STK3: variants seen among roughly 807,000 people sequenced by gnomAD.
The protein encoded by STK3 is serine/threonine kinase 3.
A neutral mutation model predicts 58.0 loss-of-function variants in STK3; 41 were observed. The observed-to-expected ratio is 0.71, with a 90% CI of 0.55 to 0.92. The LOEUF is 0.92. Ranked by LOEUF, STK3 falls within the 40% of genes least tolerant of loss-of-function variation. The pLI is 0.00. For synonymous variants in STK3, 170 were observed against 191.0 expected, an observed-to-expected ratio of 0.89 and a Z score of 0.91; for missense variants, 479 against 602.7, an observed-to-expected ratio of 0.79 and a Z score of 2.15.
downstream of STK3, among the ~76,000 whole-genome samples, chr8:98,451,929 G>T (rs1586593281): frequency 6.7e-6 from 1 of 148,340 alleles, no homozygotes. Flanking sequence ...CTCCAAAATT[G>T]CATTTTGATG....
rs553752463 is a variant in STK3 at position 98,694,902 on chromosome 8, C to T, written c.684+11565G>A. ...GGCTGGGTCAAATGGTATTTCTAGT[C>T]CTAGATCCCTGAAGAATCGCCACAC... is the stretch of plus-strand genomic sequence containing the variant. On this transcript the variant is annotated intron_variant, in intron 6 of 10. Coordinates refer to ENST00000419617, the MANE Select transcript of STK3 (RefSeq NM_006281.4). 3.9e-4 allele frequency among the ~76,000 whole-genome samples: 60 copies of T among 152,196 alleles called. 1 individual carries two copies. In the East Asian group the frequency reaches 5.4e-3, roughly 14 times the overall value.
At chr8:98,403,842 TGGTGG>T (rs1277776072) in intron 3 of STK3, among the ~76,000 whole-genome samples, 4 of 152,248 alleles carry the variant, frequency 2.6e-5, no homozygotes, top group Non-Finnish European at 5.9e-5. Flanking sequence ...CAAGGGGATA[TGGTGG>T]GGCACCCTCA....
intron 3 of STK3, among the ~76,000 whole-genome samples, chr8:98,837,420 C>G (rs954446104): frequency 6.6e-6 from 1 of 151,172 alleles, no homozygotes; most frequent in Non-Finnish European, 1.5e-5. Flanking sequence ...TAAAATTCAC[C>G]CTCCTTATAC....
chr8:98,696,409 G>C (rs962087192), intron 6 of STK3, among the ~76,000 whole-genome samples: 2 of 151,384 alleles, frequency 1.3e-5, no homozygotes, highest in African/African-American at 4.9e-5. Context: ...TAGGAGTGGT[G>C]AGAGAGGGCA....
Position 98,523,093 on chromosome 8 carries a change from G to A in STK3, c.1317+3649C>T, listed in dbSNP as rs538448002. Reference sequence around the variant, plus strand: ...TTGCTGGATTATATGATAATGCTATGTTAGTTTTTTTGAGGAACCACCATA... The same window carrying A: ...TTGCTGGATTATATGATAATGCTATATTAGTTTTTTTGAGGAACCACCATA... On this transcript the variant is annotated intron_variant, in intron 10 of 10. Coordinates refer to ENST00000419617, the MANE Select transcript of STK3 (RefSeq NM_006281.4). 2.6e-5 allele frequency among the ~76,000 whole-genome samples: 4 copies of A among 152,230 alleles called. No individual in the cohort carries two copies. In the East Asian group the frequency reaches 7.7e-4, roughly 29 times the overall value.
At chr8:98,816,855 A>G (rs1430527280) in intron 1 of STK3, among the ~76,000 whole-genome samples, 1 of 152,070 alleles carries the variant, frequency 6.6e-6, no homozygotes, top group South Asian at 2.1e-4. Context: ...TTTCTTAATC[A>G]TCAAGACTAA....
At chr8:98,429,074 G>C in intron 3 of STK3, 2 of 1,613,240 alleles carry the variant, frequency 1.2e-6, no homozygotes, top group Non-Finnish European at 8.5e-7. Context: ...CTGCCTGCTG[G>C]TGGTGGGCTA....
In STK3 at chr8:98,555,643, A is replaced by G. The variant is rs186766824; in HGVS notation, c.949-7482T>C. On this transcript the variant is annotated intron_variant, in intron 8 of 10. Coordinates refer to ENST00000419617, the MANE Select transcript of STK3 (RefSeq NM_006281.4). ...GAGTATGCATTCTGCTATAGCATGA[A>G]AAAAATATTCTTCAGAAAAAAACGT... Among the ~76,000 whole-genome samples, 1,034 of 152,262 alleles carry G rather than the reference A, an allele frequency of 6.8e-3. 9 individuals are homozygous for G. The highest frequency in any genetic ancestry group is 0.023 in the African/African-American group (970 of 41,570).
At chr8:98,493,224 C>A (rs558662290) in intron 10 of STK3, among the ~76,000 whole-genome samples, 8 of 61,082 alleles carry the variant, frequency 1.3e-4, no homozygotes, top group African/African-American at 5.2e-4. Flanking sequence ...TAGAGCAAGA[C>A]CCTGTCTCAA....
rs559456883 is a variant in STK3 at position 98,838,429 on chromosome 8, G to T, written c.110+45218C>A. 2.6e-5 allele frequency among the ~76,000 whole-genome samples: 4 copies of T among 152,222 alleles called. No individual in the cohort carries two copies. In the South Asian group the frequency reaches 8.3e-4, roughly 32 times the overall value. ...AAAGAAGACTTGTTTACTTCTAGGC[G>T]AGGAGAGTTAGGGAAGTAAGAATAC... On this transcript the variant is annotated intron_variant, in intron 3 of 12. Coordinates refer to the STK3 transcript ENST00000523601.
At chr8:98,732,340 C>T (rs997547933) in intron 4 of STK3, among the ~76,000 whole-genome samples, 2 of 151,758 alleles carry the variant, frequency 1.3e-5, no homozygotes, top group African/African-American at 4.8e-5. Flanking sequence ...ATATCAGAAA[C>T]GTCAAGATAA....
chr8:98,778,530 G>GTA (rs1831871444), intron 1 of STK3, among the ~76,000 whole-genome samples: 1 of 152,064 alleles, frequency 6.6e-6, no homozygotes, highest in Non-Finnish European at 1.5e-5. Flanking sequence ...CCATTACTGG[G>GTA]TATATACCCA....
chr8:98,550,480 A>C (rs563694095), intron 8 of STK3, among the ~76,000 whole-genome samples: 29 of 152,226 alleles, frequency 1.9e-4, no homozygotes, highest in Admixed American at 1.8e-3. Context: ...CATCCCCAAC[A>C]ACCACCACAA....
downstream of STK3, among the ~76,000 whole-genome samples, chr8:98,401,199 T>C (rs1817940682): frequency 6.6e-6 from 1 of 151,642 alleles, no homozygotes; most frequent in African/African-American, 2.4e-5. Context: ...TGGAGAGAAA[T>C]CGCAAGAAGC....
At chr8:98,916,212 C>G (rs1389199317) in intron 1 of STK3, among the ~76,000 whole-genome samples, 1 of 152,072 alleles carries the variant, frequency 6.6e-6, no homozygotes, top group African/African-American at 2.4e-5. Flanking sequence ...GTCAGGAGTT[C>G]GAGACCAGCC....
intron 3 of STK3, chr8:98,429,033 AAGG>A (rs1167347146): frequency 1.2e-6 from 2 of 1,613,626 alleles, no homozygotes; most frequent in Non-Finnish European, 1.7e-6. Flanking sequence ...CACCATTGAA[AAGG>A]AGGAGAACGA....
rs1293029451 is a variant in STK3 at position 98,428,660 on chromosome 8, C to T, written n.483+5467G>A. On this transcript the variant is annotated intron_variant and non_coding_transcript_variant, in intron 3 of 3. Transcript: ENST00000517832. This position sits in a 1 kb window ranked among gnomAD's most constrained non-coding sequence, Gnocchi z 6.7. ...GCAACCCTGGCGAGGACCCTAGGTT[C>T]GAAATCGTGGAGCACTTTGGCATTG... 6.2e-7 allele frequency: 1 copy of T among 1,614,212 alleles called. No homozygotes were observed. Among genetic ancestry groups the T allele is most frequent in the South Asian group, 1.1e-5 (1 of 91,080 alleles).
upstream of STK3, among the ~76,000 whole-genome samples, chr8:98,827,653 GT>G (rs200840492): frequency 4.2e-4 from 63 of 151,770 alleles, no homozygotes; most frequent in South Asian, 0.013. Flanking sequence ...AAGAAAAAGG[GT>G]TTTTTTTGTT....
intron 6 of STK3, among the ~76,000 whole-genome samples, chr8:98,698,001 T>C (rs1199057329): frequency 2.6e-5 from 4 of 152,178 alleles, no homozygotes; most frequent in African/African-American, 7.2e-5. Context: ...GGAGTCTAAG[T>C]CTCTATGTAG....
Sources: gnomAD v4.1 joint callset for allele counts (sites outside exome capture counted in the v4.1 genomes callset) on GRCh38, gnomAD v4.1.1 for gene constraint, Gnocchi (gnomAD v3.1) non-coding constraint, MANE v1.5 for transcripts, NCBI Gene and HGNC (gene_info 2026-07-23, HGNC 2026-07-21) for gene names.